The following VPS37A variants were observed in gnomAD, a reference collection of about 807,000 sequenced individuals.
The protein encoded by VPS37A is vacuolar protein sorting-associated protein 37A.
A neutral mutation model predicts 49.8 loss-of-function variants in VPS37A; 30 were observed. That is an observed-to-expected ratio of 0.60 (90% CI 0.45 to 0.82). The LOEUF is 0.82. Among genes scored for constraint, VPS37A ranks in the 40% least tolerant of loss-of-function variants. The probability of loss-of-function intolerance (pLI) is 0.00; values close to 1 mark genes in which losing one functional copy is unlikely to be tolerated. For missense variants in VPS37A, 593 were observed against 464.4 expected (o/e 1.28, Z -2.55); for synonymous variants, 195 against 160.6 (o/e 1.21, Z -1.62).
intron 6 of VPS37A, among the ~76,000 whole-genome samples, chr8:17,278,475 A>T (rs1328099896): frequency 6.6e-6 from 1 of 152,044 alleles, no homozygotes; most frequent in African/African-American, 2.4e-5. Context: ...CTGTCACAAT[A>T]ATGAGTTGCT....
At chr8:17,318,524 G>A in the VPS37A span, among the ~76,000 whole-genome samples, 17,120 of 152,070 alleles carry the variant, frequency 0.11, 1,318 homozygotes, top group Non-Finnish European at 0.17. Context: ...CAAACATAAC[G>A]GATAGTGTTC....
chr8:17,270,824 G>T (rs1447086444), intron 4 of VPS37A, among the ~76,000 whole-genome samples: 1 of 152,124 alleles, frequency 6.6e-6, no homozygotes, highest in Admixed American at 6.5e-5. Context: ...TCATCATATT[G>T]TAGAATCAGG....
At chr8:17,282,602 G>A (rs1035719573) in intron 9 of VPS37A, among the ~76,000 whole-genome samples, 1 of 152,048 alleles carries the variant, frequency 6.6e-6, no homozygotes, top group African/African-American at 2.4e-5. Flanking sequence ...AATGCCAGTG[G>A]TCTATTGGAA....
At chr8:17,271,614 A>G (rs1048545739) in intron 4 of VPS37A, among the ~76,000 whole-genome samples, 6 of 152,172 alleles carry the variant, frequency 3.9e-5, no homozygotes, top group African/African-American at 1.4e-4. Flanking sequence ...TCAAAAAAAA[A>G]AATGCTTATG....
intron 1 of VPS37A, among the ~76,000 whole-genome samples, chr8:17,261,341 T>C (rs1198911515): frequency 6.6e-6 from 1 of 152,226 alleles, no homozygotes; most frequent in Non-Finnish European, 1.5e-5. Flanking sequence ...TTAAATCTCT[T>C]TGTTAAATTT....
intron 11 of VPS37A, among the ~76,000 whole-genome samples, chr8:17,288,709 G>A (rs1036510668): frequency 5.3e-5 from 8 of 152,154 alleles, no homozygotes; most frequent in African/African-American, 1.7e-4. Context: ...ATAGGAGAGT[G>A]GTTTATAATA....
intron 6 of VPS37A, among the ~76,000 whole-genome samples, chr8:17,279,038 T>C (rs1162204408): frequency 1.3e-5 from 2 of 152,122 alleles, no homozygotes; most frequent in East Asian, 3.8e-4. Flanking sequence ...TTCTTTTCTT[T>C]AAATATTTTA....
At position 17,247,339 on chromosome 8, in the gene VPS37A, T is replaced by C; in HGVS notation, c.95T>C (p.Leu32Pro). The C allele has an allele frequency of 6.4e-7, 1 of 1,550,504 alleles. No individual in the cohort carries two copies. The highest frequency in any genetic ancestry group is 8.7e-7 in the Non-Finnish European group (1 of 1,148,684). The change falls in exon 1 of 12, where the codon CTG (leucine) becomes CCG (proline). Residue 32 changes from leucine to proline, a missense_variant. Coordinates refer to ENST00000324849, the MANE Select transcript of VPS37A (RefSeq NM_152415.3). ...AGCCTCCAGCAGCAGAAGCAGCGCCTGATCGAGTCCCTCCGGAACTCACAC... is the reference window on the plus strand; with the variant it reads ...AGCCTCCAGCAGCAGAAGCAGCGCCCGATCGAGTCCCTCCGGAACTCACAC... The part of the protein sequence containing the change: ...LTSLQQQKQR[L>P]IESLRNSHSS...
chr8:17,309,326 C>G, the VPS37A span: 1 of 1,555,322 alleles, frequency 6.4e-7, no homozygotes. Flanking sequence ...TCAATTAATA[C>G]CTACACAAGA....
At chr8:17,266,227 T>A (rs1473836549) in intron 2 of VPS37A, among the ~76,000 whole-genome samples, 1 of 152,166 alleles carries the variant, frequency 6.6e-6, no homozygotes, top group Non-Finnish European at 1.5e-5. Flanking sequence ...ACTGTAATTG[T>A]TTTTATTGAT....
At chr8:17,304,294 G>T, downstream of VPS37A, 1 of 1,474,768 alleles carries the variant, frequency 6.8e-7, no homozygotes, top group Non-Finnish European at 9.3e-7. Context: ...AAAGATCAGT[G>T]TCATACACTT....
chr8:17,314,598 C>G, the VPS37A span, among the ~76,000 whole-genome samples: 1 of 152,142 alleles, frequency 6.6e-6, no homozygotes, highest in African/African-American at 2.4e-5. Context: ...CTGTGATTTC[C>G]TGCAGCATAA....
chr8:17,260,072 T>C (rs1211612365), intron 1 of VPS37A, among the ~76,000 whole-genome samples: 1 of 152,142 alleles, frequency 6.6e-6, no homozygotes, highest in Non-Finnish European at 1.5e-5. Flanking sequence ...ACATTAATTA[T>C]TGATAAGTAA....
intron 1 of VPS37A, among the ~76,000 whole-genome samples, chr8:17,264,206 G>A (rs540500096): frequency 4.6e-5 from 7 of 152,224 alleles, no homozygotes; most frequent in African/African-American, 1.7e-4. Flanking sequence ...TTTGAACCCA[G>A]GAAGCCTGAC....
intron 1 of VPS37A, among the ~76,000 whole-genome samples, chr8:17,263,433 A>T (rs751746159): frequency 6.6e-6 from 1 of 152,140 alleles, no homozygotes; most frequent in Non-Finnish European, 1.5e-5. Flanking sequence ...GCCATGATTA[A>T]CTTGTTTTGG....
the VPS37A span, chr8:17,309,213 A>G: frequency 1.8e-6 from 2 of 1,110,940 alleles, no homozygotes; most frequent in African/African-American, 3.2e-5. Flanking sequence ...TAAATATTCA[A>G]TTGAAATTTT....
At chr8:17,267,508 G>A (rs548079136) in intron 2 of VPS37A, among the ~76,000 whole-genome samples, 1 of 151,694 alleles carries the variant, frequency 6.6e-6, no homozygotes, top group East Asian at 1.9e-4. Flanking sequence ...TGTTCTTTAC[G>A]TGAAACCATG....
chr8:17,326,846 C>G, the VPS37A span, among the ~76,000 whole-genome samples: 1 of 152,180 alleles, frequency 6.6e-6, no homozygotes, highest in African/African-American at 2.4e-5. Flanking sequence ...TGAGAAACAT[C>G]CAGACTCCTG....
intron 9 of VPS37A, among the ~76,000 whole-genome samples, chr8:17,281,624 T>C (rs1287028235): frequency 6.6e-6 from 1 of 151,980 alleles, no homozygotes; most frequent in Non-Finnish European, 1.5e-5. Flanking sequence ...TAACGTTGTT[T>C]GGGAGGTTTT....
Sources: gnomAD v4.1 joint callset for allele counts (sites outside exome capture counted in the v4.1 genomes callset) on GRCh38, gnomAD v4.1.1 for gene constraint, MANE v1.5 for transcripts, NCBI Gene and HGNC (gene_info 2026-07-23, HGNC 2026-07-21) for gene names.